The following ZBTB20 variants were observed in gnomAD, a reference collection of about 807,000 sequenced individuals.
ZBTB20 encodes the protein zinc finger and BTB domain-containing protein 20.
ZBTB20 carries 9 observed loss-of-function variants against 56.9 expected under a neutral mutation model. The ratio of observed to expected loss-of-function variants is 0.16; its 90% CI spans 0.10 to 0.28. ZBTB20 has a LOEUF of 0.28. ZBTB20 is among the 10% of genes least tolerant of loss of function. The pLI is 1.00. For missense variants in ZBTB20, 655 were observed against 1,003.0 expected (o/e 0.65, Z 4.69); for synonymous variants, 417 against 420.7 (o/e 0.99, Z 0.11).
At chr3:115,137,742 A>G (rs772025219) in intron 1 of ZBTB20, among the ~76,000 whole-genome samples, 5 of 152,098 alleles carry the variant, frequency 3.3e-5, no homozygotes, top group African/African-American at 4.8e-5. Context: ...CATCCTCAAG[A>G]AAGTTAACAG....
Position 114,994,633 on chromosome 3 carries a change from CTTTAAG to C in ZBTB20, c.-506-20223_-506-20218del, listed in dbSNP as rs560446286. 1.9e-3 allele frequency among the ~76,000 whole-genome samples: 296 copies of C among 151,998 alleles called. 1 individual carries two copies. The highest frequency in any genetic ancestry group is 6.6e-3 in the African/African-American group (275 of 41,520). ...TTTTACTTCATTCTTATATAGCCAT[CTTTAAG>C]TTTATTATTATTGGGATGTGTGTGC... On this transcript the variant is annotated intron_variant, in intron 2 of 11. Transcript: ENST00000675478.
chr3:114,739,434 A>T (rs2066417914), intron 5 of ZBTB20, among the ~76,000 whole-genome samples: 1 of 152,180 alleles, frequency 6.6e-6, no homozygotes, highest in Non-Finnish European at 1.5e-5. Flanking sequence ...CTATTAGTTT[A>T]AAAAACATAG....
intron 5 of ZBTB20, among the ~76,000 whole-genome samples, chr3:114,761,351 A>C (rs2068425060): frequency 6.6e-6 from 1 of 152,108 alleles, no homozygotes. Context: ...TAATTCCCAC[A>C]GTAACATTAT....
intron 6 of ZBTB20, among the ~76,000 whole-genome samples, chr3:114,551,644 A>G (rs116105775): frequency 1.3e-4 from 20 of 152,356 alleles, no homozygotes; most frequent in Admixed American, 8.5e-4. Context: ...TCAGGAAAAA[A>G]TGCTTTTCTT....
At chr3:114,804,643 A>T (rs2071968699) in intron 4 of ZBTB20, among the ~76,000 whole-genome samples, 1 of 151,840 alleles carries the variant, frequency 6.6e-6, no homozygotes, top group Non-Finnish European at 1.5e-5. Flanking sequence ...AAAACTTTTT[A>T]TTATAAAATA....
chr3:114,478,209 G>A (rs967948077), intron 7 of ZBTB20, among the ~76,000 whole-genome samples: 2 of 151,986 alleles, frequency 1.3e-5, no homozygotes, highest in African/African-American at 2.4e-5. Flanking sequence ...CAGGTGATCC[G>A]CCTGCCTCGG....
intron 2 of ZBTB20, among the ~76,000 whole-genome samples, chr3:115,000,997 T>C (rs1463411233): frequency 6.6e-6 from 1 of 150,944 alleles, no homozygotes; most frequent in African/African-American, 2.4e-5. Flanking sequence ...GCAAAATCTT[T>C]CATCTGATAT....
intron 10 of ZBTB20, among the ~76,000 whole-genome samples, chr3:114,373,706 G>A (rs2083291076): frequency 6.6e-6 from 1 of 152,136 alleles, no homozygotes; most frequent in South Asian, 2.1e-4. Flanking sequence ...TCCAAAGTGT[G>A]GGGATGGGGT....
chr3:115,020,365 T>A (rs146693951), intron 2 of ZBTB20, among the ~76,000 whole-genome samples: 5 of 151,274 alleles, frequency 3.3e-5, no homozygotes, highest in Admixed American at 6.6e-5. Context: ...TCAAAATGTT[T>A]TGTTAAATCC....
intron 2 of ZBTB20, among the ~76,000 whole-genome samples, chr3:114,988,912 T>C (rs2078675423): frequency 6.6e-6 from 1 of 152,234 alleles, no homozygotes; most frequent in Admixed American, 6.5e-5. Flanking sequence ...TTGAGAAGTG[T>C]CTGTTCACAT....
intron 7 of ZBTB20, among the ~76,000 whole-genome samples, chr3:114,449,501 C>G (rs1353445490): frequency 6.6e-6 from 1 of 151,970 alleles, no homozygotes; most frequent in Non-Finnish European, 1.5e-5. Flanking sequence ...TTCTGAAAAA[C>G]GGAAAGTGTT....
rs1329300760 is a variant in ZBTB20 at position 114,328,569 on chromosome 3, A to G, written c.*10436T>C. 1 of 152,118 alleles carries G rather than the reference A, an allele frequency of 6.6e-6. No homozygotes were observed. Among genetic ancestry groups the G allele is most frequent in the African/African-American group, 2.4e-5 (1 of 41,444 alleles). 9.4% of individuals were successfully genotyped at this position (152,118 alleles called of 1,614,324 possible). ...AACGTGAAGGTAAGGGGAATTAATG[A>G]CCTCAGCTAGTACAGTTGACATTTA... On this transcript the variant is annotated 3_prime_UTR_variant, in exon 12 of 12. Coordinates refer to ENST00000675478, the MANE Select transcript of ZBTB20 (RefSeq NM_001348800.3).
intron 1 of ZBTB20, among the ~76,000 whole-genome samples, chr3:115,128,171 A>G (rs2084388191): frequency 6.6e-6 from 1 of 152,236 alleles, no homozygotes; most frequent in Non-Finnish European, 1.5e-5. Flanking sequence ...AGAAACAGTG[A>G]AGAAATATAT....
At chr3:114,917,185 G>T (rs988530282) in intron 3 of ZBTB20, among the ~76,000 whole-genome samples, 1 of 152,088 alleles carries the variant, frequency 6.6e-6, no homozygotes, top group Non-Finnish European at 1.5e-5. Context: ...GGTGTCAACT[G>T]CATTTTTCAC....
intron 7 of ZBTB20, among the ~76,000 whole-genome samples, chr3:114,481,289 C>T (rs913288473): frequency 1.3e-4 from 19 of 149,690 alleles, no homozygotes; most frequent in African/African-American, 4.6e-4. Context: ...ACCTCATTTC[C>T]TGTAAGCTGC....
chr3:114,731,597 T>C (rs2065753523), intron 5 of ZBTB20, among the ~76,000 whole-genome samples: 1 of 152,208 alleles, frequency 6.6e-6, no homozygotes, highest in Non-Finnish European at 1.5e-5. Context: ...TATATTATGA[T>C]ATTGAGCCAT....
chr3:115,092,994 G>C (rs1398543596), intron 1 of ZBTB20, among the ~76,000 whole-genome samples: 1 of 151,968 alleles, frequency 6.6e-6, no homozygotes. Flanking sequence ...TACATATATA[G>C]CTACTTAAAA....
At chr3:114,464,004 A>C (rs2092436124) in intron 7 of ZBTB20, among the ~76,000 whole-genome samples, 2 of 152,326 alleles carry the variant, frequency 1.3e-5, no homozygotes, top group Middle Eastern at 3.4e-3. Context: ...TGAATCTTTA[A>C]TTGTGCATAC....
chr3:114,409,183 C>T (rs571726100), intron 7 of ZBTB20, among the ~76,000 whole-genome samples: 76 of 117,396 alleles, frequency 6.5e-4, no homozygotes, highest in African/African-American at 2.4e-3. Context: ...AGCTTTCTGA[C>T]GTGAATGTGA....
Sources: gnomAD v4.1 joint callset for allele counts (sites outside exome capture counted in the v4.1 genomes callset) on GRCh38, gnomAD v4.1.1 for gene constraint, MANE v1.5 for transcripts, NCBI Gene and HGNC (gene_info 2026-07-23, HGNC 2026-07-21) for gene names.